Variants in TMEM143 observed in about 807,000 individuals in gnomAD.
TMEM143 encodes transmembrane protein 143.
A neutral mutation model predicts 40.3 loss-of-function variants in TMEM143; 45 were observed. The ratio of observed to expected loss-of-function variants is 1.12; its 90% CI spans 0.88 to 1.43. The LOEUF (loss-of-function observed/expected upper bound fraction) is 1.43. Among genes scored for constraint, TMEM143 ranks in the 40% most tolerant of loss-of-function variants. The pLI, the probability that TMEM143 is intolerant of heterozygous loss-of-function variation, is 0.00. For synonymous variants in TMEM143, 299 were observed against 282.7 expected (o/e 1.06, Z -0.58); for missense variants, 620 against 613.4 (o/e 1.01, Z -0.11).
At chr19:48,334,257 C>T (rs1171680476) in intron 6 of TMEM143, 60 bp from the exon 7 acceptor site, 3 of 1,492,392 alleles carry the variant, frequency 2.0e-6, no homozygotes, top group Non-Finnish European at 2.7e-6. Context: ...CCATACACAG[C>T]CCCCGGGGTC....
intron 3 of TMEM143, among the ~76,000 whole-genome samples, chr19:48,346,339 A>T (rs1289258183): frequency 6.6e-6 from 1 of 151,538 alleles, no homozygotes; most frequent in African/African-American, 2.4e-5. Context: ...TGATGCAACC[A>T]CCTCGGCCTC....
At chr19:48,356,692 G>A (rs1264432604) in intron 3 of TMEM143, among the ~76,000 whole-genome samples, 3 of 149,906 alleles carry the variant, frequency 2.0e-5, no homozygotes, top group Non-Finnish European at 4.4e-5. Context: ...CCTCCTCCCA[G>A]GTTCAAGCAA....
intron 2 of TMEM143, among the ~76,000 whole-genome samples, chr19:48,362,369 G>A (rs892135535): frequency 6.6e-6 from 1 of 151,978 alleles, no homozygotes; most frequent in Non-Finnish European, 1.5e-5. Flanking sequence ...GCAATACCCT[G>A]TCTCTACTAA....
In TMEM143 at chr19:48,349,489, C is replaced by CA. The variant is rs539224098; in HGVS notation, c.370-4136dup. 7.5e-4 allele frequency among the ~76,000 whole-genome samples: 114 copies of CA among 152,070 alleles called. 1 individual carries two copies. Among genetic ancestry groups the CA allele is most frequent in the African/African-American group, 2.6e-3 (109 of 41,510 alleles). Reference sequence around the variant, plus strand: ...TGAAACCCCATTGCTACTAAAAATACAAAAAATTAGTTGGGCATGGTGGCG... The same window carrying CA: ...TGAAACCCCATTGCTACTAAAAATACAAAAAAATTAGTTGGGCATGGTGGCG... On this transcript the variant is annotated intron_variant, in intron 3 of 7. Transcript: ENST00000293261.
intron 6 of TMEM143, among the ~76,000 whole-genome samples, chr19:48,337,540 C>T (rs7252529): frequency 0.11 from 16,733 of 146,142 alleles, 1,303 homozygotes; most frequent in East Asian, 0.2. Context: ...GAGCGAGACT[C>T]CATCTCAAAA....
chr19:48,355,078 G>A lies in TMEM143; in HGVS notation c.369+4994C>T, dbSNP rs1411154988. On this transcript the variant is annotated intron_variant, in intron 3 of 7. Coordinates refer to ENST00000293261, the MANE Select transcript of TMEM143 (RefSeq NM_018273.4). Reference sequence around the variant, plus strand: ...GTCACCCAGGCTGGAGTGCAGTGGCGTGATCTTGGCTCACTGCAACCTCCA... The same window carrying A: ...GTCACCCAGGCTGGAGTGCAGTGGCATGATCTTGGCTCACTGCAACCTCCA... Among the ~76,000 whole-genome samples the A allele has an allele frequency of 5.3e-5, 8 of 151,284 alleles. No individual in the cohort carries two copies. The East Asian group carries it at 5.8e-4, about 11-fold the overall frequency.
At chr19:48,357,917 T>G (rs1021677288) in intron 3 of TMEM143, among the ~76,000 whole-genome samples, 3 of 146,640 alleles carry the variant, frequency 2.0e-5, no homozygotes, top group African/African-American at 5.1e-5. Context: ...ATAATGGAAT[T>G]TGGGGACTCA....
chr19:48,358,293 A>C (rs1969955440), intron 3 of TMEM143, among the ~76,000 whole-genome samples: 1 of 152,018 alleles, frequency 6.6e-6, no homozygotes, highest in African/African-American at 2.4e-5. Context: ...CTGAGGCACA[A>C]GAATCACTTC....
chr19:48,333,289 G>T lies in TMEM143; in HGVS notation c.1310C>A (p.Pro437His), dbSNP rs1351642795. The T allele has an allele frequency of 6.4e-6, 10 of 1,572,404 alleles. No homozygotes were observed. The highest frequency in any genetic ancestry group is 1.4e-5 in the African/African-American group (1 of 74,072). Residue 437 changes from proline to histidine, a missense_variant, in exon 8 of 8, where the codon CCC becomes CAC. Coordinates refer to ENST00000293261, the MANE Select transcript of TMEM143 (RefSeq NM_018273.4). This position sits in a 1 kb window ranked among gnomAD's most constrained non-coding sequence, Gnocchi z 4.1. The part of the protein sequence containing the change: ...SMGLYPPPGF[P>H]KLDPVAPITS... Reference sequence around the variant, plus strand: ...GATCGGAGCCACTGGGTCTAGTTTGGGGAAACCCGGGGGTGGGTACAATCC... The same window carrying T: ...GATCGGAGCCACTGGGTCTAGTTTGTGGAAACCCGGGGGTGGGTACAATCC...
intron 3 of TMEM143, among the ~76,000 whole-genome samples, chr19:48,357,293 T>TTC (rs1304771608): frequency 1.3e-5 from 2 of 150,944 alleles, no homozygotes; most frequent in African/African-American, 4.9e-5. Flanking sequence ...CCACAGCAGT[T>TTC]TCTCAGCCCA....
At chr19:48,357,850 T>C (rs1160733577) in intron 3 of TMEM143, among the ~76,000 whole-genome samples, 2 of 151,390 alleles carry the variant, frequency 1.3e-5, no homozygotes, top group Non-Finnish European at 2.9e-5. Flanking sequence ...AGCCGTATTC[T>C]CACTTTATAA....
At chr19:48,341,401 G>A (rs1056520425) in intron 6 of TMEM143, among the ~76,000 whole-genome samples, 7 of 152,154 alleles carry the variant, frequency 4.6e-5, no homozygotes, top group African/African-American at 1.7e-4. Flanking sequence ...ATAGTTCCCT[G>A]GGCCCCAGTC....
chr19:48,350,522 A>C (rs1969742829), intron 3 of TMEM143, among the ~76,000 whole-genome samples: 1 of 151,970 alleles, frequency 6.6e-6, no homozygotes, highest in South Asian at 2.1e-4. Flanking sequence ...GACCGTCCCC[A>C]CCACCCACGT....
rs953168732 is a variant in TMEM143 at position 48,332,918 on chromosome 19, ACCCTCAG to A, written c.*294_*300del. On this transcript the variant is annotated 3_prime_UTR_variant, in exon 8 of 8. Transcript: ENST00000293261. ...AGCTGAGCAGCTGTGATTGGCAGAC[ACCCTCAG>A]CTCCTCAGCCAAACCACACTTGGAT... 10 of 246,988 alleles carry A rather than the reference ACCCTCAG, an allele frequency of 4.0e-5. No individual in the cohort carries two copies. Among genetic ancestry groups the A allele is most frequent in the Non-Finnish European group, 7.7e-5 (10 of 129,422 alleles). 15.3% of individuals were successfully genotyped at this position (246,988 alleles called of 1,614,324 possible). A position where few individuals can be genotyped will look rare whatever the true frequency, so the allele number is the denominator to read the frequency against.
rs1030682825 is a variant in TMEM143, at chr19:48,333,633, G to C, written c.1166-200C>G. Reference sequence around the variant, plus strand: ...CAGAAGGCCCAGCTCTGGGGCTTTCGTCTGGGGACCAGTCAGGGGCTCTTG... The same window carrying C: ...CAGAAGGCCCAGCTCTGGGGCTTTCCTCTGGGGACCAGTCAGGGGCTCTTG... On this transcript the variant is annotated intron_variant, in intron 7 of 7. Transcript: ENST00000293261. This position sits in a 1 kb window ranked among gnomAD's most constrained non-coding sequence, Gnocchi z 4.1. Among the ~76,000 whole-genome samples, 1 of 152,180 alleles carries C rather than the reference G, an allele frequency of 6.6e-6. No homozygotes were observed. Among genetic ancestry groups the C allele is most frequent in the South Asian group, 2.1e-4 (1 of 4,830 alleles).
intron 6 of TMEM143, among the ~76,000 whole-genome samples, chr19:48,335,317 G>A (rs1469065510): frequency 6.6e-6 from 1 of 152,198 alleles, no homozygotes; most frequent in Non-Finnish European, 1.5e-5. Context: ...AGTGGCTCAG[G>A]CCTGTAATCC....
chr19:48,340,370 C>T (rs1569025873), intron 6 of TMEM143, among the ~76,000 whole-genome samples: 1 of 151,888 alleles, frequency 6.6e-6, no homozygotes, highest in Admixed American at 6.6e-5. Flanking sequence ...CGTGATCCAC[C>T]CGCCTCGGCC....
At chr19:48,354,146 T>A (rs1181580478) in intron 3 of TMEM143, among the ~76,000 whole-genome samples, 5 of 137,510 alleles carry the variant, frequency 3.6e-5, no homozygotes, top group South Asian at 2.3e-4. Context: ...TTTAGTAGAG[T>A]CGGGGTTTCA....
In TMEM143 at chr19:48,363,497, T is replaced by C; in HGVS notation, c.58A>G (p.Thr20Ala). 1 of 1,613,550 alleles carries C rather than the reference T, an allele frequency of 6.2e-7. No homozygotes were observed. The highest frequency in any genetic ancestry group is 1.1e-5 in the South Asian group (1 of 91,040). The change falls in exon 2 of 8, where the codon ACC becomes GCC. Residue 20 changes from threonine (T) to alanine (A), a missense_variant. Transcript: ENST00000293261. Reference sequence around the variant, plus strand: ...ACCCTGGACCCCCAGACCCCCCGGGTCACATGCAGCATGGCTAGACCCTTT... The same window carrying C: ...ACCCTGGACCCCCAGACCCCCCGGGCCACATGCAGCATGGCTAGACCCTTT... ...RGKGLAMLHV[T>A]RGVWGSRVRV...
Sources: gnomAD v4.1 joint callset for allele counts (sites outside exome capture counted in the v4.1 genomes callset) on GRCh38, gnomAD v4.1.1 for gene constraint, Gnocchi (gnomAD v3.1) non-coding constraint, MANE v1.5 for transcripts, NCBI Gene and HGNC (gene_info 2026-07-23, HGNC 2026-07-21) for gene names.